Variants in PCCA observed in about 807,000 individuals in gnomAD.
The protein encoded by PCCA is propionyl-CoA carboxylase subunit alpha, also known as propionyl-CoA carboxylase alpha chain, mitochondrial.
A neutral mutation model predicts 101.3 loss-of-function variants in PCCA; 74 were observed. The observed-to-expected ratio is 0.73, with a 90% confidence interval of 0.61 to 0.89. The LOEUF (loss-of-function observed/expected upper bound fraction) is 0.89, where lower values mean the gene tolerates loss of function less well. Among genes scored for constraint, PCCA ranks in the 40% least tolerant of loss-of-function variants. The pLI is 0.00. For missense variants in PCCA, 891 were observed against 907.0 expected, an observed-to-expected ratio of 0.98 and a Z score of 0.23; for synonymous variants, 294 against 313.6, an observed-to-expected ratio of 0.94 and a Z score of 0.66.
chr13:100,305,994 A>G (rs1484998218), intron 14 of PCCA, among the ~76,000 whole-genome samples: 1 of 152,234 alleles, frequency 6.6e-6, no homozygotes, highest in African/African-American at 2.4e-5. Context: ...AAAGAGAATA[A>G]TAGTAGTGTG....
At chr13:100,426,676 C>G (rs1468104785) in intron 20 of PCCA, among the ~76,000 whole-genome samples, 2 of 152,068 alleles carry the variant, frequency 1.3e-5, no homozygotes, top group Non-Finnish European at 2.9e-5. Flanking sequence ...TCCAAGTAAC[C>G]TTGAACTCTT....
At chr13:100,250,887 C>T (rs563680267) in intron 8 of PCCA, among the ~76,000 whole-genome samples, 1 of 152,282 alleles carries the variant, frequency 6.6e-6, no homozygotes, top group African/African-American at 2.4e-5. Context: ...TATGCTGTCT[C>T]TCTACCCGTC....
At chr13:100,301,385 T>C (rs1036881173) in intron 12 of PCCA, 75 bp from the exon 13 acceptor site, 11 of 1,545,110 alleles carry the variant, frequency 7.1e-6, no homozygotes, top group Non-Finnish European at 9.8e-6. Context: ...CCAAAAACTT[T>C]TGTGATTTTT....
At chr13:100,322,499 T>C (rs1024114702) in intron 16 of PCCA, among the ~76,000 whole-genome samples, 1 of 152,082 alleles carries the variant, frequency 6.6e-6, no homozygotes, top group Non-Finnish European at 1.5e-5. Flanking sequence ...TATGTAACTA[T>C]TGTGATATAT....
At chr13:100,487,504 T>C (rs1243111462) in intron 21 of PCCA, among the ~76,000 whole-genome samples, 5 of 152,214 alleles carry the variant, frequency 3.3e-5, no homozygotes, top group African/African-American at 1.2e-4. Flanking sequence ...TTAAAATAAG[T>C]TTGGGAAATG....
chr13:100,469,813 A>G (rs2082856247), intron 21 of PCCA, among the ~76,000 whole-genome samples: 1 of 152,078 alleles, frequency 6.6e-6, no homozygotes, highest in Admixed American at 6.6e-5. Flanking sequence ...CAAAACAAAA[A>G]AAGTTTGATG....
In PCCA at chr13:100,444,431, CTTTTTTTTTTTT is replaced by C. The variant is rs57941571; in HGVS notation, c.1846-4803_1846-4792del. Among the ~76,000 whole-genome samples the C allele has an allele frequency of 7.5e-4, 34 of 45,458 alleles. No individual in the cohort carries two copies. In the East Asian group the frequency reaches 0.019, roughly 26 times the overall value. 29.8% of individuals were successfully genotyped at this position (45,458 alleles called of 152,430 possible). ...GTTGGCCAGGCTGGTTTTGAACAAC[CTTTTTTTTTTTT>C]TTTTTTTTTTTTTTTTTGAGACGGA... On this transcript the variant is annotated intron_variant, in intron 20 of 23. Transcript: ENST00000376285.
chr13:100,307,298 G>A lies in PCCA; in HGVS notation c.1353+38G>A, dbSNP rs778242622. 64 of 1,333,240 alleles carry A rather than the reference G, an allele frequency of 4.8e-5. No individual in the cohort carries two copies. In the Middle Eastern group the frequency reaches 3.2e-3, roughly 66 times the overall value. The allele number at this position is 1,333,240 out of a possible 1,614,324, so 82.6% of individuals were successfully genotyped here. On this transcript the variant is annotated intron_variant, in intron 15 of 23. Coordinates refer to ENST00000376285, the MANE Select transcript of PCCA (RefSeq NM_000282.4). Reference sequence around the variant, plus strand: ...TCTCAATGGATTATTTGATTTCTTCGAAAAATCAATGATATTTAAAGAGTC... The same window carrying A: ...TCTCAATGGATTATTTGATTTCTTCAAAAAATCAATGATATTTAAAGAGTC...
intron 20 of PCCA, among the ~76,000 whole-genome samples, chr13:100,427,673 A>C (rs1383396106): frequency 1.3e-5 from 2 of 152,020 alleles, no homozygotes; most frequent in Non-Finnish European, 1.5e-5. Flanking sequence ...GTACTCTCTA[A>C]TTGGAAGGAA....
At chr13:100,179,761 G>A (rs1029024107) in intron 6 of PCCA, among the ~76,000 whole-genome samples, 6 of 151,106 alleles carry the variant, frequency 4.0e-5, no homozygotes, top group Non-Finnish European at 8.9e-5. Flanking sequence ...GTGTGTGTAC[G>A]TGTGTGTGTG....
intron 20 of PCCA, among the ~76,000 whole-genome samples, chr13:100,441,989 C>CTTTTTTTTTTTTTTTTTTT (rs776208311): frequency 2.3e-5 from 3 of 128,528 alleles, no homozygotes; most frequent in African/African-American, 2.7e-5. Flanking sequence ...TTCCTTTTTT[C>CTTTTTTTTTTTTTTTTTTT]TTTTTTTTTT....
chr13:100,089,468 G>A (rs1053700894), intron 1 of PCCA, among the ~76,000 whole-genome samples: 1 of 152,268 alleles, frequency 6.6e-6, no homozygotes, highest in African/African-American at 2.4e-5. Context: ...TAGGGCAGAG[G>A]CAGTTGGGTG....
intron 12 of PCCA, among the ~76,000 whole-genome samples, chr13:100,281,819 C>T (rs375060189): frequency 6.6e-5 from 10 of 152,238 alleles, no homozygotes; most frequent in Middle Eastern, 3.4e-3. Context: ...AGATCTCTAT[C>T]GATAATTTTT....
intron 18 of PCCA, among the ~76,000 whole-genome samples, chr13:100,348,782 TTCTTTCTTCCTTCCTTC>T (rs2072764925): frequency 1.4e-5 from 1 of 70,206 alleles, no homozygotes; most frequent in Non-Finnish European, 3.1e-5. Context: ...CTTTCTTTCT[TTCTTTCTTCCTTCCTTC>T]CTTCCTTCCT....
chr13:100,176,357 G>A (rs2056239285), intron 6 of PCCA, among the ~76,000 whole-genome samples: 1 of 152,182 alleles, frequency 6.6e-6, no homozygotes, highest in South Asian at 2.1e-4. Flanking sequence ...AGATGGTGTA[G>A]CTTTAGAAAA....
chr13:100,092,206 G>A (rs1262558469), intron 1 of PCCA, among the ~76,000 whole-genome samples: 3 of 152,058 alleles, frequency 2.0e-5, no homozygotes, highest in African/African-American at 4.8e-5. Flanking sequence ...ATGAGCCACC[G>A]AGCCCAATGG....
At chr13:100,319,707 G>A (rs537010389) in intron 16 of PCCA, among the ~76,000 whole-genome samples, 1 of 152,116 alleles carries the variant, frequency 6.6e-6, no homozygotes, top group Non-Finnish European at 1.5e-5. Flanking sequence ...GTCTGTTTTG[G>A]TACCAGTACC....
chr13:100,326,861 A>G (rs770565151), intron 16 of PCCA, among the ~76,000 whole-genome samples: 3 of 152,152 alleles, frequency 2.0e-5, no homozygotes, highest in African/African-American at 7.2e-5. Context: ...GTAATTGACT[A>G]TGTTTTCAGC....
intron 7 of PCCA, among the ~76,000 whole-genome samples, chr13:100,214,491 C>CT (rs1372587819): frequency 2.6e-5 from 4 of 151,500 alleles, no homozygotes; most frequent in Non-Finnish European, 5.9e-5. Context: ...GTGGTGCAAT[C>CT]TCGGCTCACT....
Sources: gnomAD v4.1 joint callset for allele counts (sites outside exome capture counted in the v4.1 genomes callset) on GRCh38, gnomAD v4.1.1 for gene constraint, MANE v1.5 for transcripts, NCBI Gene and HGNC (gene_info 2026-07-23, HGNC 2026-07-21) for gene names.